The following AK9 variants were observed in gnomAD, a reference collection of about 807,000 sequenced individuals.
AK9 encodes the protein adenylate kinase 9.
In AK9, 191 loss-of-function variants were observed where a neutral mutation model predicts 239.6. The observed-to-expected ratio is 0.80, with a 90% CI of 0.71 to 0.90. The LOEUF (loss-of-function observed/expected upper bound fraction) is 0.90. Ranked by LOEUF, AK9 falls within the 40% of genes least tolerant of loss-of-function variation. The pLI is 0.00. For synonymous variants in AK9, 689 were observed against 721.0 expected, an observed-to-expected ratio of 0.96 and a Z score of 0.71; for missense variants, 1,995 against 2,214.7, an observed-to-expected ratio of 0.90 and a Z score of 1.99.
Position 109,493,478 on chromosome 6 carries a change from C to T in AK9, c.5627G>A (p.Gly1876Asp). The T allele has an allele frequency of 6.2e-7, 1 of 1,614,114 alleles. No homozygotes were observed. The highest frequency in any genetic ancestry group is 8.5e-7 in the Non-Finnish European group (1 of 1,180,008). ...CTTGTATTTTCTGGTCATCTTGGCA[C>T]CCAAGTATGTTATGAGTTCACAACT... is the stretch of plus-strand genomic sequence containing the variant. ...MESCELITYL[G>D]AKMTRKYKEP... The change falls in exon 41 of 41, where the codon GGT becomes GAT. Residue 1876 changes from glycine (G) to aspartate (D), a missense_variant. Gly to Asp is a moderately conservative substitution (Grantham distance 94). Coordinates refer to ENST00000424296, the MANE Select transcript of AK9 (RefSeq NM_001145128.3).
chr6:109,629,894 A>G (rs868817750), intron 12 of AK9, among the ~76,000 whole-genome samples: 162 of 152,222 alleles, frequency 1.1e-3, no homozygotes, highest in African/African-American at 3.8e-3. Context: ...CGGCCTCCCA[A>G]CGTGCTGGGA....
At chr6:109,643,369 C>T (rs943868774) in intron 9 of AK9, among the ~76,000 whole-genome samples, 2 of 152,178 alleles carry the variant, frequency 1.3e-5, no homozygotes, top group African/African-American at 2.4e-5. Flanking sequence ...TTCTCTCTCC[C>T]TTAATTCCCA....
At chr6:109,509,835 T>G (rs1778503046) in intron 32 of AK9, among the ~76,000 whole-genome samples, 1 of 152,056 alleles carries the variant, frequency 6.6e-6, no homozygotes, top group African/African-American at 2.4e-5. Context: ...GGGAGCTCCC[T>G]GGGTGCAGCT....
Position 109,606,086 on chromosome 6 carries a change from G to C in AK9, c.1842+4279C>G, listed in dbSNP as rs73519230. 2.0e-5 allele frequency among the ~76,000 whole-genome samples: 3 copies of C among 151,870 alleles called. No individual in the cohort carries two copies. In the East Asian group the frequency reaches 5.8e-4, roughly 29 times the overall value. ...AGTTTGATCAAATAAAATTAAAGTG[G>C]CACTTCCTTTTGACAAAAATGGTAT... On this transcript the variant is annotated intron_variant, in intron 17 of 40. Coordinates refer to ENST00000424296, the MANE Select transcript of AK9 (RefSeq NM_001145128.3).
At chr6:109,498,626 G>A (rs1227191083) in intron 36 of AK9, among the ~76,000 whole-genome samples, 1 of 152,180 alleles carries the variant, frequency 6.6e-6, no homozygotes, top group African/African-American at 2.4e-5. Context: ...AAGAGTTCTA[G>A]TGATAGAAAA....
intron 8 of AK9, among the ~76,000 whole-genome samples, chr6:109,650,928 G>A (rs1798836377): frequency 6.6e-6 from 1 of 152,288 alleles, no homozygotes; most frequent in South Asian, 2.1e-4. Flanking sequence ...CATGTCCTTT[G>A]TAGGGACATG....
chr6:109,498,447 A>G (rs1777285781), intron 36 of AK9, among the ~76,000 whole-genome samples: 1 of 152,260 alleles, frequency 6.6e-6, no homozygotes, highest in African/African-American at 2.4e-5. Flanking sequence ...ATCTCATAAT[A>G]AAGGGAACAA....
At chr6:109,549,664 C>CTTTTTTTTTTTTTTTTTTTTTTT (rs1196364045) in intron 25 of AK9, 18 of 122,100 alleles carry the variant, frequency 1.5e-4, no homozygotes, top group Middle Eastern at 4.9e-3. Flanking sequence ...TAGATATTTT[C>CTTTTTTTTTTTTTTTTTTTTTTT]TTTTTTTTTT....
At chr6:109,559,524 T>C (rs1785473663) in intron 24 of AK9, among the ~76,000 whole-genome samples, 1 of 152,248 alleles carries the variant, frequency 6.6e-6, no homozygotes, top group African/African-American at 2.4e-5. Flanking sequence ...AGCACAGTTT[T>C]GTAGTTTTTA....
chr6:109,625,166 T>C (rs529248505), intron 12 of AK9, among the ~76,000 whole-genome samples: 1 of 152,316 alleles, frequency 6.6e-6, no homozygotes, highest in African/African-American at 2.4e-5. Context: ...GTTTAGGTGA[T>C]CTGGCTTGGC....
At position 109,516,054 on chromosome 6, in the gene AK9, T is replaced by C. The variant is rs1363894050; in HGVS notation, c.3868A>G (p.Ile1290Val). 5 of 1,549,836 alleles carry C rather than the reference T, an allele frequency of 3.2e-6. No homozygotes were observed. The highest frequency in any genetic ancestry group is 4.4e-6 in the Non-Finnish European group (5 of 1,145,430). The change falls in exon 31 of 41, where the codon ATA becomes GTA. Residue 1290 changes from isoleucine (I) to valine (V), a missense_variant. Ile to Val is a conservative substitution (Grantham distance 29). Coordinates refer to ENST00000424296, the MANE Select transcript of AK9 (RefSeq NM_001145128.3). ...IIQDELERYL[I>V]PIISINGARR... ...GCTCCATTAATGGAAATTATTGGTA[T>C]CAAATACCTCTCAAGTTCATCCTGA...
Position 109,497,868 on chromosome 6 carries a change from A to G in AK9, c.5144T>C (p.Leu1715Pro). 1.2e-6 allele frequency: 2 copies of G among 1,614,002 alleles called. No individual in the cohort carries two copies. Among genetic ancestry groups the G allele is most frequent in the Non-Finnish European group, 1.7e-6 (2 of 1,179,910 alleles). Reference sequence around the variant, plus strand: ...CGCACACTTAGGGAATCGACTCTTCAGCTCTGACAGTGTCAGTCTTTTGGG... The same window carrying G: ...CGCACACTTAGGGAATCGACTCTTCGGCTCTGACAGTGTCAGTCTTTTGGG... ...MIPKRLTLSE[L>P]KSRFPKCAEL... The change falls in exon 37 of 41, where the codon CTG (leucine) becomes CCG (proline). Residue 1715 changes from leucine to proline, a missense_variant. This residue lies in a region of AK9 where 391 missense variants were observed against 456.0 expected (regional missense o/e 0.86). Coordinates refer to ENST00000424296, the MANE Select transcript of AK9 (RefSeq NM_001145128.3).
At chr6:109,521,480 C>A (rs1779858418) in intron 29 of AK9, among the ~76,000 whole-genome samples, 1 of 152,018 alleles carries the variant, frequency 6.6e-6, no homozygotes. Flanking sequence ...CCTTACTCTT[C>A]CTTCCAAGTC....
At chr6:109,626,207 G>A (rs1364620905) in intron 12 of AK9, among the ~76,000 whole-genome samples, 8 of 146,658 alleles carry the variant, frequency 5.5e-5, no homozygotes, top group South Asian at 4.7e-4. Flanking sequence ...TTTATCTTAA[G>A]AGATTCTCTA....
intron 6 of AK9, among the ~76,000 whole-genome samples, chr6:109,661,378 C>T (rs2076929): frequency 0.086 from 13,031 of 152,246 alleles, 908 homozygotes; most frequent in African/African-American, 0.19. Flanking sequence ...TAACTGGTCA[C>T]ATTTCCCCTT....
chr6:109,516,219 G>A, intron 30 of AK9, 144 bp from the exon 31 acceptor site: 2 of 910,546 alleles, frequency 2.2e-6, no homozygotes, highest in Non-Finnish European at 3.2e-6. Context: ...CTGCATGTTG[G>A]TGACTAAACT....
intron 3 of AK9, among the ~76,000 whole-genome samples, chr6:109,672,752 C>T (rs900286804): frequency 2.0e-5 from 3 of 152,064 alleles, no homozygotes; most frequent in African/African-American, 2.4e-5. Flanking sequence ...CGCCTCTGCA[C>T]CTTGGATGCA....
At chr6:109,566,194 T>C (rs928029461) in intron 21 of AK9, among the ~76,000 whole-genome samples, 1 of 152,100 alleles carries the variant, frequency 6.6e-6, no homozygotes, top group Non-Finnish European at 1.5e-5. Flanking sequence ...AACAGGTCTA[T>C]ATCTGAGAAT....
intron 13 of AK9, among the ~76,000 whole-genome samples, chr6:109,617,754 A>G (rs1794346771): frequency 6.6e-6 from 1 of 152,210 alleles, no homozygotes; most frequent in South Asian, 2.1e-4. Flanking sequence ...GAATAGAAAA[A>G]AAGAGAGCAG....
Sources: gnomAD v4.1 joint callset for allele counts (sites outside exome capture counted in the v4.1 genomes callset) on GRCh38, gnomAD v4.1.1 for gene constraint, gnomAD v4.1.1 regional missense constraint, MANE v1.5 for transcripts, NCBI Gene and HGNC (gene_info 2026-07-23, HGNC 2026-07-21) for gene names.